Variants in PTCH2 observed in about 807,000 individuals in gnomAD.
PTCH2 encodes the protein patched 2, also known as protein patched homolog 2.
A neutral mutation model predicts 117.9 loss-of-function variants in PTCH2; 96 were observed. The observed-to-expected ratio is 0.81, with a 90% confidence interval of 0.69 to 0.96. The LOEUF is 0.96. Among genes scored for constraint, PTCH2 ranks in the 50% least tolerant of loss-of-function variants. The pLI, the probability that PTCH2 is intolerant of heterozygous loss-of-function variation, is 0.00. For missense variants in PTCH2, 1,379 were observed against 1,562.5 expected, an observed-to-expected ratio of 0.88 and a Z score of 1.98; for synonymous variants, 615 against 660.9, an observed-to-expected ratio of 0.93 and a Z score of 1.06.
At chr1:44,842,118 G>C in intron 1 of PTCH2, 79 bp from the exon 2 acceptor site, 3 of 1,367,648 alleles carry the variant, frequency 2.2e-6, no homozygotes, top group African/African-American at 1.4e-5. Context: ...CTGTATATCT[G>C]CTGCCCAGCC....
chr1:44,833,589 A>G (rs1557648517), intron 2 of PTCH2, among the ~76,000 whole-genome samples: 3 of 151,162 alleles, frequency 2.0e-5, no homozygotes. Flanking sequence ...GGCACCCGCC[A>G]CCAGGCCTGG....
In PTCH2 at chr1:44,843,070, T is replaced by C; in HGVS notation, c.-138A>G. On this transcript the variant is annotated 5_prime_UTR_variant, in exon 1 of 22. Transcript: ENST00000372192. The stretch of plus-strand genomic sequence containing the variant: ...GCCAAGGCGCGGGCGTGGGAGAGAC[T>C]GTGGGGTGTGGGTGTTAAAGCGGCT... 7.1e-7 allele frequency: 1 copy of C among 1,415,082 alleles called. No homozygotes were observed. The highest frequency in any genetic ancestry group is 9.2e-7 in the Non-Finnish European group (1 of 1,088,906). 87.7% of individuals were successfully genotyped at this position (1,415,082 alleles called of 1,614,324 possible).
chr1:44,837,757 C>A (rs1175315976), intron 2 of PTCH2, among the ~76,000 whole-genome samples: 4 of 151,974 alleles, frequency 2.6e-5, no homozygotes, highest in African/African-American at 9.7e-5. Context: ...AACAAGGCCT[C>A]AACTAGAGCA....
chr1:44,820,456 T>C (rs1652868000), downstream of PTCH2: 1 of 683,230 alleles, frequency 1.5e-6, no homozygotes, highest in South Asian at 1.5e-5. Flanking sequence ...GCACAGACAC[T>C]CAGGGGCACT....
chr1:44,834,848 C>T (rs1653616662), intron 2 of PTCH2, among the ~76,000 whole-genome samples: 1 of 152,188 alleles, frequency 6.6e-6, no homozygotes, highest in South Asian at 2.1e-4. Context: ...ATCTGTCAAA[C>T]AGAAACAGTG....
Position 44,841,957 on chromosome 1 carries a change from T to C in PTCH2, c.155A>G (p.Gln52Arg). The C allele has an allele frequency of 6.2e-7, 1 of 1,614,192 alleles. No homozygotes were observed. Among genetic ancestry groups the C allele is most frequent in the Non-Finnish European group, 8.5e-7 (1 of 1,180,018 alleles). ...AAAGAGCACTTTGCCACAATGTCTC[T>C]GGATCCCGCATCCCAGAGAGAAGAG... Reference protein sequence around the residue: ...GLLFSLGCGIQRHCGKVLFLG... With the variant: ...GLLFSLGCGIRRHCGKVLFLG... Residue 52 changes from glutamine (Q) to arginine (R), a missense_variant, in exon 2 of 22, where the codon CAG becomes CGG. Transcript: ENST00000372192.
At chr1:44,832,817 T>G (rs992143225) in intron 2 of PTCH2, among the ~76,000 whole-genome samples, 1 of 152,044 alleles carries the variant, frequency 6.6e-6, no homozygotes, top group East Asian at 1.9e-4. Flanking sequence ...TAGGGCTGGT[T>G]CTTAGTTCAG....
rs762341119 is a variant in PTCH2 at position 44,827,300 on chromosome 1, G to T, written c.2381C>A (p.Ala794Asp). The change falls in exon 16 of 22, where the codon GCT (alanine) becomes GAT (aspartate). Residue 794 changes from alanine to aspartate, a missense_variant. Ala to Asp is a moderately radical substitution (Grantham distance 126). Coordinates refer to ENST00000372192, the MANE Select transcript of PTCH2 (RefSeq NM_003738.5). ...YYRNWLQGIQ[A>D]AFDQDWASGR... ...AGAAGCCCAGTCCTGGTCAAAGGCAGCCTGGATTCCTGGGGGAGACCAGGA... is the reference window on the plus strand; with the variant it reads ...AGAAGCCCAGTCCTGGTCAAAGGCATCCTGGATTCCTGGGGGAGACCAGGA... 2.8e-5 allele frequency: 45 copies of T among 1,613,816 alleles called. No homozygotes were observed. The highest frequency in any genetic ancestry group is 3.7e-5 in the Non-Finnish European group (44 of 1,180,042).
In PTCH2 at chr1:44,826,854, T is replaced by A. The variant is rs754989310; in HGVS notation, c.2695+48A>T. ...GTGGGCAGGGCCTCAGGCTCAGGGCTTGTGTGGGCGAGGCTGAGGCTCTTG... is the reference window on the plus strand; with the variant it reads ...GTGGGCAGGGCCTCAGGCTCAGGGCATGTGTGGGCGAGGCTGAGGCTCTTG... On this transcript the variant is annotated intron_variant, in intron 17 of 21. Transcript: ENST00000372192. The surrounding 1 kb of genome is among the most constrained non-coding windows in gnomAD (Gnocchi z 5.1). The A allele has an allele frequency of 1.9e-6, 3 of 1,612,844 alleles. No homozygotes were observed. The highest frequency in any genetic ancestry group is 2.5e-6 in the Non-Finnish European group (3 of 1,179,232).
rs58079936 is a variant in PTCH2, at chr1:44,830,923, G to C, written c.738C>G (p.Ala246=). The C allele has an allele frequency of 2.5e-6, 4 of 1,599,702 alleles. No individual in the cohort carries two copies. The highest frequency in any genetic ancestry group is 1.7e-5 in the Admixed American group (1 of 59,604). ...GGTGCAGACAGGGCCGCCCCACGTA[G>C]GCCTGGCCCACCTGTGCCTTGTCTA... ...ELLDKAQVGQ[A]YVGRPCLHPD... Residue 246 remains alanine (A), a synonymous_variant, in exon 6 of 22, where the codon GCC becomes GCG. Coordinates refer to ENST00000372192, the MANE Select transcript of PTCH2 (RefSeq NM_003738.5).
In PTCH2 at chr1:44,843,109, G is replaced by T. The variant is rs1654026157; in HGVS notation, c.-177C>A. ...GTTAAAGCGGCTGGGAGGGAGGAGT[G>T]CAGGGAGCTGCGGGTCCGGGGCGCG... is the stretch of plus-strand genomic sequence containing the variant. On this transcript the variant is annotated 5_prime_UTR_variant, in exon 1 of 22. Coordinates refer to ENST00000372192, the MANE Select transcript of PTCH2 (RefSeq NM_003738.5). The T allele has an allele frequency of 3.7e-6, 5 of 1,352,736 alleles. No homozygotes were observed. In the Admixed American group the frequency reaches 1.0e-4, roughly 28 times the overall value. The allele number at this position is 1,352,736 out of a possible 1,614,324, so 83.8% of individuals were successfully genotyped here. A position where few individuals can be genotyped will look rare whatever the true frequency, so the allele number is the denominator to read the frequency against.
Position 44,823,099 on chromosome 1 carries a change from C to G in PTCH2, c.3327G>C (p.Val1109=). The G allele has an allele frequency of 6.2e-7, 1 of 1,613,728 alleles. No homozygotes were observed. Among genetic ancestry groups the G allele is most frequent in the Non-Finnish European group, 8.5e-7 (1 of 1,179,944 alleles). The change falls in exon 21 of 22, where the codon GTG becomes GTC. Residue 1109 remains valine (V), a synonymous_variant. Coordinates refer to ENST00000372192, the MANE Select transcript of PTCH2 (RefSeq NM_003738.5). The surrounding 1 kb of genome is among the most constrained non-coding windows in gnomAD (Gnocchi z 5.1). The stretch of plus-strand genomic sequence containing the variant: ...GCGGCGGGCCCAGGATGGACAGCAG[C>G]ACAGGCAGCAGCACGAGTCCATGGA... ...GLLHGLVLLP[V]LLSILGPPPE...
Position 44,831,286 on chromosome 1 carries a change from TAGAAAGGGCCC to T in PTCH2, c.618-254_618-244del, listed in dbSNP as rs1447609295. Among the ~76,000 whole-genome samples the T allele has an allele frequency of 2.0e-5, 3 of 152,128 alleles. No individual in the cohort carries two copies. The highest frequency in any genetic ancestry group is 4.4e-5 in the Non-Finnish European group (3 of 68,030). ...TATCAGGGCAGGGTTACCTAATACA[TAGAAAGGGCCC>T]AGAAAGGCCCCACTGAGTTCCTTAC... On this transcript the variant is annotated intron_variant, in intron 5 of 21. Transcript: ENST00000372192. The surrounding 1 kb of genome is among the most constrained non-coding windows in gnomAD (Gnocchi z 4.3).
Position 44,827,942 on chromosome 1 carries a change from CCTTGT to C in PTCH2, c.1954_1958del (p.Thr652AlafsTer33), listed in dbSNP as rs763613266. 1.2e-6 allele frequency: 2 copies of C among 1,614,182 alleles called. No homozygotes were observed. The highest frequency in any genetic ancestry group is 1.7e-6 in the Non-Finnish European group (2 of 1,180,040). On this transcript the variant is annotated frameshift_variant, in exon 14 of 22. Coordinates refer to ENST00000372192, the MANE Select transcript of PTCH2 (RefSeq NM_003738.5). LOFTEE classifies it high-confidence loss of function. ...GCAGGGACTTGCAGGCTGCCTTCTG[CCTTGT>C]CTCCTCCTCCTGGCCTAGAAGGTCC...
rs1168877744 is a variant in PTCH2 at position 44,831,755 on chromosome 1, C to G, written c.568G>C (p.Asp190His). 1 of 1,583,794 alleles carries G rather than the reference C, an allele frequency of 6.3e-7. No individual in the cohort carries two copies. The highest frequency in any genetic ancestry group is 1.8e-5 in the Admixed American group (1 of 54,828). ...AGTTTGGCTCCCTCCCAGAAGCAGT[C>G]GAGGGGGGTGAGGATCACGCACGGA... ...LFPCVILTPL[D>H]CFWEGAKLQG... The change falls in exon 5 of 22, where the codon GAC (aspartate) becomes CAC (histidine). Residue 190 changes from aspartate to histidine, a missense_variant. By Grantham distance (81) the Asp-to-His change is moderately conservative (BLOSUM62 -1). Coordinates refer to ENST00000372192, the MANE Select transcript of PTCH2 (RefSeq NM_003738.5). This position sits in a 1 kb window ranked among gnomAD's most constrained non-coding sequence, Gnocchi z 4.3.
chr1:44,842,995 AGC>A lies in PTCH2; in HGVS notation c.-65_-64del. 6.1e-6 allele frequency: 9 copies of A among 1,474,846 alleles called. No individual in the cohort carries two copies. The highest frequency in any genetic ancestry group is 8.1e-6 in the Non-Finnish European group (9 of 1,116,836). The allele number at this position is 1,474,846 out of a possible 1,614,324, so 91.4% of individuals were successfully genotyped here. ...CGTTATCTGGGCGCTCCCATAGGCTAGCCCGGTCTCCCGGTACCGCTGGGCCC... is the reference window on the plus strand; with the variant it reads ...CGTTATCTGGGCGCTCCCATAGGCTACCGGTCTCCCGGTACCGCTGGGCCC... On this transcript the variant is annotated 5_prime_UTR_variant, in exon 1 of 22. Coordinates refer to ENST00000372192, the MANE Select transcript of PTCH2 (RefSeq NM_003738.5).
chr1:44,831,889 A>G lies in PTCH2; in HGVS notation c.525+86T>C, dbSNP rs1653465368. The stretch of plus-strand genomic sequence containing the variant: ...CCCCTCCTTAGTTTTAAGGGGGCAG[A>G]TTGCAGGCTGTGGGGCTTGCTCGGT... On this transcript the variant is annotated intron_variant, in intron 4 of 21. Coordinates refer to ENST00000372192, the MANE Select transcript of PTCH2 (RefSeq NM_003738.5). The surrounding 1 kb of genome is among the most constrained non-coding windows in gnomAD (Gnocchi z 4.3). The G allele has an allele frequency of 5.1e-6, 8 of 1,574,250 alleles. No individual in the cohort carries two copies. The Admixed American group carries it at 6.7e-5, about 13-fold the overall frequency.
At chr1:44,839,713 G>A (rs1268244413) in intron 2 of PTCH2, among the ~76,000 whole-genome samples, 1 of 152,156 alleles carries the variant, frequency 6.6e-6, no homozygotes, top group Non-Finnish European at 1.5e-5. Context: ...GTGGGGATAT[G>A]TGTATGTGCG....
intron 2 of PTCH2, among the ~76,000 whole-genome samples, chr1:44,834,846 A>G (rs1037067683): frequency 3.3e-5 from 5 of 152,196 alleles, no homozygotes; most frequent in Non-Finnish European, 5.9e-5. Flanking sequence ...TCATCTGTCA[A>G]ACAGAAACAG....
Sources: gnomAD v4.1 joint callset for allele counts (sites outside exome capture counted in the v4.1 genomes callset) on GRCh38, gnomAD v4.1.1 for gene constraint, Gnocchi (gnomAD v3.1) non-coding constraint, MANE v1.5 for transcripts, NCBI Gene and HGNC (gene_info 2026-07-23, HGNC 2026-07-21) for gene names.